The following STAG2 variants were observed in gnomAD, a reference collection of about 807,000 sequenced individuals.
STAG2 encodes cohesin subunit SA-2.
A neutral mutation model predicts 108.1 loss-of-function variants in STAG2; 14 were observed. The observed-to-expected ratio is 0.13, with a 90% CI of 0.09 to 0.20. The LOEUF (loss-of-function observed/expected upper bound fraction) is 0.20. Among genes scored for constraint, STAG2 ranks in the 10% least tolerant of loss-of-function variants. The pLI is 1.00. For synonymous variants in STAG2, 307 were observed against 302.7 expected (o/e 1.01, Z -0.15); for missense variants, 440 against 940.9 (o/e 0.47, Z 6.96).
At chrX:124,069,434 A>G (rs945844207) in intron 24 of STAG2, among the ~76,000 whole-genome samples, 3 of 112,187 alleles carry the variant, frequency 2.7e-5, no homozygotes, top group Non-Finnish European at 3.8e-5. Context: ...CAACCTGACT[A>G]TGATTTTTGG....
intron 1 of STAG2, among the ~76,000 whole-genome samples, chrX:123,966,600 A>G (rs2054106884): frequency 1.8e-5 from 2 of 111,712 alleles, no homozygotes; most frequent in Admixed American, 9.6e-5. Context: ...TCTGATTGGC[A>G]AAGATATATG....
intron 1 of STAG2, among the ~76,000 whole-genome samples, chrX:124,013,958 A>G (rs1372187026): frequency 9.0e-6 from 1 of 111,419 alleles, no homozygotes; most frequent in East Asian, 2.8e-4. Context: ...AAGGCGTGCT[A>G]GGTTTTCTAC....
intron 1 of STAG2, among the ~76,000 whole-genome samples, chrX:124,011,482 G>C (rs952861483): frequency 3.6e-5 from 4 of 111,708 alleles, no homozygotes; most frequent in African/African-American, 1.3e-4. Context: ...AAAACTTTCA[G>C]TCTTTTACCC....
At chrX:124,060,926 A>AC (rs202003923) in intron 15 of STAG2, among the ~76,000 whole-genome samples, 1,755 of 107,468 alleles carry the variant, frequency 0.016, 16 homozygotes, top group Non-Finnish European at 0.021. Context: ...CATCTCCGCC[A>AC]CCCCCCCAAA....
chrX:124,100,665 T>C lies in STAG2; in HGVS notation c.*68T>C, dbSNP rs2059492268. The C allele has an allele frequency of 3.3e-6, 3 of 909,021 alleles. No individual in the cohort carries two copies. The highest frequency in any genetic ancestry group is 3.2e-6 in the Non-Finnish European group (2 of 630,059). The allele number at this position is 909,021 out of a possible 1,213,427, so 74.9% of individuals were successfully genotyped here. A position where few individuals can be genotyped will look rare whatever the true frequency, so the allele number is the denominator to read the frequency against. On this transcript the variant is annotated 3_prime_UTR_variant, in exon 35 of 35. Coordinates refer to ENST00000371145, the MANE Select transcript of STAG2 (RefSeq NM_001042750.2). ...TGGAAGAGGAAATTTTAAAGTGTGG[T>C]AGATACAGTGAAATTCTGTACAGAT...
intron 4 of STAG2, among the ~76,000 whole-genome samples, chrX:124,027,998 CAG>C (rs2057164877): frequency 9.0e-6 from 1 of 111,537 alleles, no homozygotes. Flanking sequence ...TTCATACTGA[CAG>C]GGACTATTGA....
intron 5 of STAG2, among the ~76,000 whole-genome samples, chrX:124,036,402 G>A (rs1351558259): frequency 9.0e-6 from 1 of 111,422 alleles, no homozygotes; most frequent in African/African-American, 3.3e-5. Flanking sequence ...TTGTTTGTTT[G>A]GAGACAGAGT....
intron 1 of STAG2, among the ~76,000 whole-genome samples, chrX:123,995,100 TG>T (rs1285540516): frequency 9.0e-6 from 1 of 111,620 alleles, no homozygotes; most frequent in East Asian, 2.8e-4. Flanking sequence ...CGGTAGGTCG[TG>T]CATCAAAGAA....
intron 1 of STAG2, among the ~76,000 whole-genome samples, chrX:124,011,665 T>C (rs1229928937): frequency 9.0e-6 from 1 of 111,564 alleles, no homozygotes; most frequent in African/African-American, 3.3e-5. Flanking sequence ...GGTCCACATC[T>C]GATGAGAGTC....
At chrX:124,053,357 G>A (rs1009013806) in intron 13 of STAG2, among the ~76,000 whole-genome samples, 1 of 111,653 alleles carries the variant, frequency 9.0e-6, no homozygotes, top group African/African-American at 3.3e-5. Context: ...AAGAAGGCTT[G>A]AATTTGGAAA....
chrX:124,058,742 C>T lies in STAG2; in HGVS notation c.1416+765C>T, dbSNP rs184560305. 1.5e-4 allele frequency among the ~76,000 whole-genome samples: 17 copies of T among 111,993 alleles called. No homozygotes were observed. The East Asian group carries it at 4.5e-3, about 29-fold the overall frequency. On this transcript the variant is annotated intron_variant, in intron 15 of 34. Transcript: ENST00000371145. The stretch of plus-strand genomic sequence containing the variant: ...TTGCAATTGTAGATGTAGACTTAAA[C>T]TAGTCTCCCTAAAGTTGGAAACCTA...
intron 1 of STAG2, among the ~76,000 whole-genome samples, chrX:124,010,678 A>G (rs1377936317): frequency 1.8e-5 from 2 of 111,346 alleles, no homozygotes; most frequent in Non-Finnish European, 3.8e-5. Context: ...GAACAATATC[A>G]ATTTGTTCAG....
intron 3 of STAG2, among the ~76,000 whole-genome samples, chrX:124,024,318 C>T (rs755341043): frequency 2.0e-4 from 22 of 110,974 alleles, no homozygotes; most frequent in African/African-American, 5.6e-4. Flanking sequence ...TGGTGTCCTA[C>T]GAAACGCTTG....
upstream of STAG2, chrX:123,961,480 G>A (rs2053850148): frequency 9.1e-6 from 1 of 109,648 alleles, no homozygotes; most frequent in Non-Finnish European, 1.9e-5. Context: ...AAGCCGGGAG[G>A]CTGTGGTTGG....
At chrX:124,003,665 C>A (rs1413680774) in intron 1 of STAG2, 2 of 111,038 alleles carry the variant, frequency 1.8e-5, no homozygotes, top group Non-Finnish European at 3.8e-5. Flanking sequence ...CTCAGGTGAT[C>A]CACCCTCCTT....
intron 6 of STAG2, among the ~76,000 whole-genome samples, chrX:124,041,241 GGTAA>G (rs1454879169): frequency 1.9e-5 from 2 of 106,265 alleles, no homozygotes; most frequent in Non-Finnish European, 3.9e-5. Flanking sequence ...TTTAAGTTGC[GGTAA>G]GTAAGGATTC....
chrX:124,011,602 GAA>G (rs1290218647), intron 1 of STAG2, among the ~76,000 whole-genome samples: 2 of 111,444 alleles, frequency 1.8e-5, no homozygotes, highest in East Asian at 5.5e-4. Context: ...ACTTTATAAA[GAA>G]AAAGAATTTA....
At chrX:124,009,447 A>AGGTAGG (rs1569502017) in intron 1 of STAG2, among the ~76,000 whole-genome samples, 19 of 91,415 alleles carry the variant, frequency 2.1e-4, no homozygotes, top group African/African-American at 7.4e-4. Flanking sequence ...AGGTAGGTAG[A>AGGTAGG]TAGATAGATA....
At chrX:124,021,615 G>C (rs935101521) in intron 2 of STAG2, among the ~76,000 whole-genome samples, 184 bp downstream of exon 2, 1 of 111,609 alleles carries the variant, frequency 9.0e-6, no homozygotes, top group African/African-American at 3.3e-5. Context: ...TTTGTTGTTC[G>C]TATGAAATTA....
Sources: allele counts gnomAD v4.1 joint callset (sites outside exome capture counted in the v4.1 genomes callset), GRCh38; gene constraint gnomAD v4.1.1; transcripts MANE v1.5; gene names NCBI Gene and HGNC (gene_info 2026-07-23, HGNC 2026-07-21).